GRID2: variants seen among roughly 807,000 people sequenced by gnomAD.
GRID2 encodes glutamate ionotropic receptor delta type subunit 2.
Under a neutral mutation model 114.8 loss-of-function variants are expected in GRID2, and 33 were observed. The ratio of observed to expected loss-of-function variants is 0.29; its 90% CI spans 0.22 to 0.38. GRID2 has a LOEUF of 0.38. GRID2 is among the 10% of genes least tolerant of loss of function. The probability of loss-of-function intolerance (pLI) is 1.00; values close to 1 mark genes in which losing one functional copy is unlikely to be tolerated. For synonymous variants in GRID2, 505 were observed against 449.9 expected, an observed-to-expected ratio of 1.12 and a Z score of -1.55; for missense variants, 1,184 against 1,257.7, an observed-to-expected ratio of 0.94 and a Z score of 0.89.
At chr4:93,807,054 C>T (rs17362732) in exon 2 of GRID2, 1 of 152,308 alleles carries the variant, frequency 6.6e-6, no homozygotes, top group African/African-American at 2.4e-5. Flanking sequence ...GTAATCCACT[C>T]ATAGAAGAGT....
At chr4:93,270,579 G>A (rs1378155009) in intron 8 of GRID2, among the ~76,000 whole-genome samples, 2 of 152,100 alleles carry the variant, frequency 1.3e-5, no homozygotes, top group South Asian at 2.1e-4. Flanking sequence ...CACCTCGACC[G>A]AGAGAGGATA....
chr4:93,548,702 A>G (rs1185389968), intron 13 of GRID2, among the ~76,000 whole-genome samples: 1 of 152,180 alleles, frequency 6.6e-6, no homozygotes, highest in Admixed American at 6.5e-5. Flanking sequence ...TTTTTTAAGA[A>G]AGGGCAGAAC....
chr4:93,135,034 C>A (rs977583096), intron 4 of GRID2, among the ~76,000 whole-genome samples: 1 of 152,058 alleles, frequency 6.6e-6, no homozygotes, highest in Non-Finnish European at 1.5e-5. Context: ...TGCAATCATA[C>A]ATTCAAGTGA....
At chr4:93,554,759 T>C (rs1412179452) in intron 13 of GRID2, among the ~76,000 whole-genome samples, 2 of 151,988 alleles carry the variant, frequency 1.3e-5, no homozygotes, top group African/African-American at 4.8e-5. Flanking sequence ...CCATGGCTGG[T>C]GAGTTAGGCC....
At chr4:92,877,074 C>T (rs975562762) in intron 2 of GRID2, among the ~76,000 whole-genome samples, 2 of 152,084 alleles carry the variant, frequency 1.3e-5, no homozygotes, top group African/African-American at 4.8e-5. Flanking sequence ...AGAAACAAAA[C>T]AAATTTTTTT....
chr4:93,485,405 T>C (rs562851601), intron 11 of GRID2, among the ~76,000 whole-genome samples: 10 of 151,934 alleles, frequency 6.6e-5, no homozygotes, highest in African/African-American at 2.4e-4. Flanking sequence ...TATCAATCTT[T>C]TCTTTTGTGT....
intron 13 of GRID2, among the ~76,000 whole-genome samples, chr4:93,566,318 G>T (rs1448042944): frequency 1.3e-5 from 2 of 152,100 alleles, no homozygotes; most frequent in Non-Finnish European, 2.9e-5. Flanking sequence ...GCATTCTAGA[G>T]AAAATAAAAC....
intron 2 of GRID2, among the ~76,000 whole-genome samples, chr4:92,829,189 G>T (rs1741932431): frequency 6.6e-6 from 1 of 152,126 alleles, no homozygotes; most frequent in African/African-American, 2.4e-5. Flanking sequence ...GTTAATTTTT[G>T]TATAAGGTGT....
intron 4 of GRID2, among the ~76,000 whole-genome samples, chr4:93,187,814 G>A (rs923595494): frequency 5.3e-5 from 8 of 152,208 alleles, no homozygotes; most frequent in Admixed American, 2.0e-4. Context: ...AGGAAAAAAA[G>A]TGGTAACTTG....
At chr4:92,325,745 A>G (rs1726558074) in intron 1 of GRID2, among the ~76,000 whole-genome samples, 1 of 151,756 alleles carries the variant, frequency 6.6e-6, no homozygotes, top group Non-Finnish European at 1.5e-5. Flanking sequence ...TAATCTTTTT[A>G]CTGCTTGGAC....
chr4:92,803,925 T>A (rs1052225448), intron 2 of GRID2, among the ~76,000 whole-genome samples: 4 of 151,930 alleles, frequency 2.6e-5, no homozygotes, highest in Non-Finnish European at 5.9e-5. Context: ...GCTCTAGGGA[T>A]GGATTCTTCT....
intron 2 of GRID2, among the ~76,000 whole-genome samples, chr4:92,647,754 G>T (rs376326830): frequency 2.7e-5 from 4 of 149,534 alleles, no homozygotes; most frequent in African/African-American, 1.0e-4. Flanking sequence ...AAACAAATAT[G>T]TTACATTCCA....
At chr4:92,837,785 A>G (rs1057494080) in intron 2 of GRID2, among the ~76,000 whole-genome samples, 8 of 152,070 alleles carry the variant, frequency 5.3e-5, no homozygotes, top group African/African-American at 1.9e-4. Context: ...CACATATTTA[A>G]TTGCACGCAA....
In GRID2 at chr4:93,769,285, C is replaced by A; in HGVS notation, c.2436C>A (p.Asp812Glu). ...GGTGGCCTAAGAATGGCCAGTGTGA[C>A]CTGTACTCGTCAGTGGACACAAAGC... is the stretch of plus-strand genomic sequence containing the variant. ...HKWWPKNGQC[D>E]LYSSVDTKQK... The change falls in exon 15 of 16, where the codon GAC (aspartate) becomes GAA (glutamate). Residue 812 changes from aspartate (D) to glutamate (E), a missense_variant. Physicochemically the swap from Asp to Glu is conservative, Grantham distance 45. Transcript: ENST00000282020. The A allele has an allele frequency of 1.2e-6, 2 of 1,614,018 alleles. No homozygotes were observed. Among genetic ancestry groups the A allele is most frequent in the Non-Finnish European group, 1.7e-6 (2 of 1,179,902 alleles).
intron 2 of GRID2, among the ~76,000 whole-genome samples, chr4:92,657,423 A>C (rs1322760242): frequency 1.3e-5 from 2 of 151,644 alleles, no homozygotes; most frequent in Non-Finnish European, 3.0e-5. Context: ...CTGTTACACC[A>C]AATATGCGTA....
chr4:93,612,709 G>A (rs1272782794), intron 13 of GRID2, among the ~76,000 whole-genome samples: 1 of 101,330 alleles, frequency 9.9e-6, no homozygotes, highest in Admixed American at 1.0e-4. Flanking sequence ...TTCCCTTTGA[G>A]GGTAACCCGA....
At chr4:93,787,561 G>A (rs567647971) in intron 1 of GRID2, among the ~76,000 whole-genome samples, 18 of 152,120 alleles carry the variant, frequency 1.2e-4, no homozygotes, top group Admixed American at 2.0e-4. Context: ...ACATGGCTCC[G>A]TTATCTTTCA....
chr4:93,747,958 C>T (rs1288382916), intron 14 of GRID2, among the ~76,000 whole-genome samples: 4 of 151,958 alleles, frequency 2.6e-5, no homozygotes, highest in Admixed American at 2.6e-4. Context: ...GAAATGTCTT[C>T]TACTCAAAAA....
intron 13 of GRID2, among the ~76,000 whole-genome samples, chr4:93,543,306 T>A (rs187237916): frequency 3.3e-5 from 5 of 152,268 alleles, no homozygotes; most frequent in Admixed American, 6.5e-5. Context: ...ATGAAGTACT[T>A]GACTGTCAAA....
Sources: allele counts gnomAD v4.1 joint callset (sites outside exome capture counted in the v4.1 genomes callset), GRCh38; gene constraint gnomAD v4.1.1; transcripts MANE v1.5; gene names NCBI Gene and HGNC (gene_info 2026-07-23, HGNC 2026-07-21).